FRRS1L: variants seen among roughly 807,000 people sequenced by gnomAD.
The protein encoded by FRRS1L is DOMON domain-containing protein FRRS1L.
Under a neutral mutation model 28.6 loss-of-function variants are expected in FRRS1L, and 22 were observed. The ratio of observed to expected loss-of-function variants is 0.77; its 90% confidence interval spans 0.55 to 1.10. The LOEUF (loss-of-function observed/expected upper bound fraction) is 1.10, where lower values mean the gene tolerates loss of function less well. Ranked by LOEUF, FRRS1L falls within the 50% of genes least tolerant of loss-of-function variation. The pLI is 0.00. For missense variants in FRRS1L, 380 were observed against 386.9 expected, an observed-to-expected ratio of 0.98 and a Z score of 0.15; for synonymous variants, 158 against 151.4, an observed-to-expected ratio of 1.04 and a Z score of -0.32.
At chr9:109,159,656 T>TCAA (rs1012885307) in intron 1 of FRRS1L, among the ~76,000 whole-genome samples, 3 of 152,108 alleles carry the variant, frequency 2.0e-5, no homozygotes, top group East Asian at 1.9e-4. Context: ...AGACTCTGTC[T>TCAA]CAACAACAAC....
chr9:109,161,021 C>T (rs1004584561), intron 1 of FRRS1L, among the ~76,000 whole-genome samples: 1 of 152,004 alleles, frequency 6.6e-6, no homozygotes, highest in African/African-American at 2.4e-5. Flanking sequence ...GAACTCCTGA[C>T]CTCAGGTGAT....
Position 109,136,932 on chromosome 9 carries a change from T to C in FRRS1L, c.*523A>G, listed in dbSNP as rs1237890292. The C allele has an allele frequency of 6.6e-6, 1 of 152,244 alleles. No individual in the cohort carries two copies. Among genetic ancestry groups the C allele is most frequent in the Non-Finnish European group, 1.5e-5 (1 of 68,050 alleles). The allele number at this position is 152,244 out of a possible 1,614,324, so 9.4% of individuals were successfully genotyped here. On this transcript the variant is annotated 3_prime_UTR_variant, in exon 5 of 5. Transcript: ENST00000561981. ...CTTCTGCTTTACGGAAATTTGAAATTTCTTCTGCCCAAAAGGCTGACTGTG... is the reference window on the plus strand; with the variant it reads ...CTTCTGCTTTACGGAAATTTGAAATCTCTTCTGCCCAAAAGGCTGACTGTG...
chr9:109,146,197 CAACAAACA>C (rs137988997), intron 3 of FRRS1L, among the ~76,000 whole-genome samples: 9 of 150,594 alleles, frequency 6.0e-5, no homozygotes, highest in Non-Finnish European at 1.0e-4. Context: ...AACTCTATCT[CAACAAACA>C]AACAAACAAA....
intron 1 of FRRS1L, among the ~76,000 whole-genome samples, chr9:109,158,141 G>T (rs1831433654): frequency 6.6e-6 from 1 of 152,054 alleles, no homozygotes. Flanking sequence ...GAGCTTTCTT[G>T]GTTGGAAGAT....
chr9:109,159,774 G>C (rs1446618433), intron 1 of FRRS1L, among the ~76,000 whole-genome samples: 1 of 152,198 alleles, frequency 6.6e-6, no homozygotes, highest in Non-Finnish European at 1.5e-5. Flanking sequence ...AGAACAAAAA[G>C]AGTGACCTCC....
chr9:109,155,407 C>G (rs1831391516), intron 1 of FRRS1L, among the ~76,000 whole-genome samples: 1 of 152,086 alleles, frequency 6.6e-6, no homozygotes, highest in Admixed American at 6.6e-5. Context: ...TATATAATCT[C>G]ATTTACATGA....
Position 109,149,709 on chromosome 9 carries a change from G to C in FRRS1L, c.250C>G (p.Pro84Ala). ...AATGGATCCACAGGAGGAGCAGTAG[G>C]GAAGGGGTAACCTGGGCAGTGAGAA... is the stretch of plus-strand genomic sequence containing the variant. ...RYLSEEGYPFPTAPPVDPFAK... is the reference protein window; with the variant it reads ...RYLSEEGYPFATAPPVDPFAK... The change falls in exon 2 of 5, where the codon CCT becomes GCT. Residue 84 changes from proline to alanine, a missense_variant. Transcript: ENST00000561981. The C allele has an allele frequency of 6.2e-7, 1 of 1,611,630 alleles. No individual in the cohort carries two copies.
intron 4 of FRRS1L, chr9:109,140,570 A>C (rs1213461239): frequency 1.3e-5 from 2 of 152,174 alleles, no homozygotes; most frequent in African/African-American, 2.4e-5. Context: ...TTAAGGAGTA[A>C]TGGGTTAAAC....
At chr9:109,155,610 A>T (rs1831394044) in intron 1 of FRRS1L, among the ~76,000 whole-genome samples, 1 of 151,556 alleles carries the variant, frequency 6.6e-6, no homozygotes, top group African/African-American at 2.4e-5. Context: ...AGGCTGAGAC[A>T]GGAGAATTGC....
chr9:109,150,067 A>G (rs1831313422), intron 1 of FRRS1L: 1 of 173,564 alleles, frequency 5.8e-6, no homozygotes, highest in African/African-American at 2.4e-5. Flanking sequence ...ATGTTCTAAG[A>G]GAAAAAAGTT....
chr9:109,141,090 C>T (rs562422532), intron 4 of FRRS1L: 12 of 540,612 alleles, frequency 2.2e-5, no homozygotes, highest in Middle Eastern at 5.1e-4. Context: ...TCATTAAGCA[C>T]ATCACTCATG....
rs1831124036 is a variant in FRRS1L at position 109,137,255 on chromosome 9, T to G, written c.*200A>C. On this transcript the variant is annotated 3_prime_UTR_variant, in exon 5 of 5. Transcript: ENST00000561981. ...AAAGTGCTTAGAAAAGGTGTAAGTA[T>G]GTTCCAAAAGTATAGGGTCATTATT... The G allele has an allele frequency of 2.9e-6, 1 of 346,918 alleles. No homozygotes were observed. The highest frequency in any genetic ancestry group is 2.1e-5 in the African/African-American group (1 of 47,740). The allele number at this position is 346,918 out of a possible 1,614,324, so 21.5% of individuals were successfully genotyped here.
intron 1 of FRRS1L, among the ~76,000 whole-genome samples, chr9:109,153,463 A>T (rs1418108850): frequency 2.0e-5 from 3 of 151,720 alleles, no homozygotes; most frequent in Non-Finnish European, 4.4e-5. Context: ...AGGCATGGAA[A>T]CTCTGCCTTT....
At chr9:109,140,945 A>G (rs1014976915) in intron 4 of FRRS1L, 2 of 195,588 alleles carry the variant, frequency 1.0e-5, no homozygotes, top group African/African-American at 4.6e-5. Context: ...TTAGTTGTAT[A>G]GCCTTGACCA....
intron 1 of FRRS1L, among the ~76,000 whole-genome samples, chr9:109,162,049 C>T (rs1174404598): frequency 1.3e-5 from 2 of 152,198 alleles, no homozygotes; most frequent in Non-Finnish European, 2.9e-5. Flanking sequence ...GACATGGTGG[C>T]TCACGCATGT....
At chr9:109,143,606 T>C (rs1359848939) in intron 3 of FRRS1L, among the ~76,000 whole-genome samples, 137 of 148,126 alleles carry the variant, frequency 9.2e-4, no homozygotes, top group African/African-American at 3.3e-3. Context: ...CCTCCGCCTC[T>C]CGGGTTCAAG....
chr9:109,148,808 A>T lies in FRRS1L; in HGVS notation c.323+828T>A, dbSNP rs552253006. On this transcript the variant is annotated intron_variant, in intron 2 of 4. Coordinates refer to ENST00000561981, the MANE Select transcript of FRRS1L (RefSeq NM_014334.4). The stretch of plus-strand genomic sequence containing the variant: ...TCCCTCCCTTCTCAAAATATCCCCC[A>T]ATCACCAGGTTTATACATTGCTGAC... Among the ~76,000 whole-genome samples the T allele has an allele frequency of 3.0e-4, 46 of 152,326 alleles. No homozygotes were observed. In the South Asian group the frequency reaches 9.3e-3, roughly 31 times the overall value.
chr9:109,149,735 T>A lies in FRRS1L; in HGVS notation c.239-15A>T, dbSNP rs1266039609. On this transcript the variant is annotated splice_polypyrimidine_tract_variant and intron_variant, in intron 1 of 4. Coordinates refer to ENST00000561981, the MANE Select transcript of FRRS1L (RefSeq NM_014334.4). ...GAAGGGGTAACCTGGGCAGTGAGAA[T>A]AAAGAAGGGTTAGAAAATCCAGTAA... The A allele has an allele frequency of 1.9e-6, 3 of 1,563,358 alleles. No homozygotes were observed. The African/African-American group carries it at 4.1e-5, about 21-fold the overall frequency.
intron 1 of FRRS1L, among the ~76,000 whole-genome samples, chr9:109,164,191 C>G (rs766286884): frequency 2.6e-5 from 4 of 152,128 alleles, no homozygotes; most frequent in Non-Finnish European, 5.9e-5. Flanking sequence ...AGCCCCACGC[C>G]ACTTACATCT....
Sources: gnomAD v4.1 joint callset for allele counts (sites outside exome capture counted in the v4.1 genomes callset) on GRCh38, gnomAD v4.1.1 for gene constraint, MANE v1.5 for transcripts, NCBI Gene and HGNC (gene_info 2026-07-23, HGNC 2026-07-21) for gene names.